SBF2: variants seen among roughly 807,000 people sequenced by gnomAD.
The protein encoded by SBF2 is myotubularin-related protein 13.
A neutral mutation model predicts 225.2 loss-of-function variants in SBF2; 112 were observed. The ratio of observed to expected loss-of-function variants is 0.50; its 90% CI spans 0.43 to 0.58. The LOEUF (loss-of-function observed/expected upper bound fraction) is 0.58, where lower values mean the gene tolerates loss of function less well. SBF2 is among the 20% of genes least tolerant of loss of function. The pLI is 0.00. For synonymous variants in SBF2, 763 were observed against 773.3 expected, an observed-to-expected ratio of 0.99 and a Z score of 0.22; for missense variants, 1,996 against 2,206.2, an observed-to-expected ratio of 0.90 and a Z score of 1.91.
intron 1 of SBF2, among the ~76,000 whole-genome samples, chr11:10,266,026 C>T (rs1448105957): frequency 6.6e-6 from 1 of 152,128 alleles, no homozygotes; most frequent in Non-Finnish European, 1.5e-5. Flanking sequence ...GGCAGCCCAA[C>T]CTGCCATTTT....
chr11:10,057,159 A>G (rs1950284729), intron 2 of SBF2, among the ~76,000 whole-genome samples: 2 of 152,164 alleles, frequency 1.3e-5, no homozygotes, highest in South Asian at 4.1e-4. Context: ...GCGGGCCCCA[A>G]GCATACTGTA....
chr11:9,880,799 G>A (rs1026314573), intron 17 of SBF2, among the ~76,000 whole-genome samples: 8 of 152,080 alleles, frequency 5.3e-5, no homozygotes, highest in Admixed American at 4.6e-4. Flanking sequence ...TATTTTCCTT[G>A]TCTAATGACT....
intron 27 of SBF2, 159 bp from the exon 28 acceptor site, chr11:9,829,655 G>A: frequency 1.5e-6 from 1 of 649,738 alleles, no homozygotes; most frequent in South Asian, 1.8e-5. Context: ...CACTTAAATT[G>A]CCAGTCTATT....
intron 1 of SBF2, among the ~76,000 whole-genome samples, chr11:10,276,031 G>A (rs1205171221): frequency 6.6e-6 from 1 of 151,974 alleles, no homozygotes; most frequent in Non-Finnish European, 1.5e-5. Flanking sequence ...AATGTTTTCT[G>A]AGAATGATCT....
intron 13 of SBF2, among the ~76,000 whole-genome samples, chr11:9,986,796 C>T (rs1947214372): frequency 6.6e-6 from 1 of 151,612 alleles, no homozygotes; most frequent in Non-Finnish European, 1.5e-5. Context: ...AAATTACCAA[C>T]AAAAAAAAGT....
chr11:10,244,476 G>A (rs1412972508), intron 1 of SBF2, among the ~76,000 whole-genome samples: 1 of 152,152 alleles, frequency 6.6e-6, no homozygotes, highest in African/African-American at 2.4e-5. Flanking sequence ...CAGTCTACAA[G>A]TCTGTTTGAT....
intron 17 of SBF2, among the ~76,000 whole-genome samples, chr11:9,882,555 TC>T (rs1859866584): frequency 6.6e-6 from 1 of 152,124 alleles, no homozygotes; most frequent in African/African-American, 2.4e-5. Context: ...ATGTCTGTAA[TC>T]CCAGCACTTT....
intron 6 of SBF2, 31 bp downstream of exon 6, chr11:10,028,421 G>C (rs1254405475): frequency 1.5e-6 from 2 of 1,305,898 alleles, no homozygotes; most frequent in Non-Finnish European, 2.2e-6. Context: ...GCTTCTACAA[G>C]ATGACATTGA....
At chr11:10,297,815 C>A (rs1337088894), upstream of SBF2, among the ~76,000 whole-genome samples, 1 of 152,240 alleles carries the variant, frequency 6.6e-6, no homozygotes, top group Non-Finnish European at 1.5e-5. Context: ...TTTGTATATA[C>A]ATGTGAACAT....
At chr11:9,966,695 A>C (rs1866936574) in intron 14 of SBF2, among the ~76,000 whole-genome samples, 1 of 152,244 alleles carries the variant, frequency 6.6e-6, no homozygotes, top group African/African-American at 2.4e-5. Flanking sequence ...GTATGCTTAC[A>C]ACTCAATAAT....
At chr11:10,105,946 G>C (rs1055796042) in intron 2 of SBF2, among the ~76,000 whole-genome samples, 2 of 152,338 alleles carry the variant, frequency 1.3e-5, no homozygotes, top group African/African-American at 4.8e-5. Flanking sequence ...TATTAGAGTT[G>C]ATGAATAATT....
chr11:10,180,876 GT>G (rs1956710979), intron 2 of SBF2, among the ~76,000 whole-genome samples: 1 of 151,954 alleles, frequency 6.6e-6, no homozygotes, highest in African/African-American at 2.4e-5. Context: ...CTTTCACTTG[GT>G]TTTGAATCCA....
chr11:9,871,713 G>T (rs1858769575), intron 17 of SBF2, among the ~76,000 whole-genome samples: 2 of 152,108 alleles, frequency 1.3e-5, no homozygotes, highest in African/African-American at 4.8e-5. Flanking sequence ...GGATTGTCTT[G>T]ATCTCCTGAC....
At chr11:9,984,573 A>C (rs1947110651) in intron 13 of SBF2, among the ~76,000 whole-genome samples, 1 of 152,222 alleles carries the variant, frequency 6.6e-6, no homozygotes. Context: ...TACAAGCAGC[A>C]CAAAGAACAC....
chr11:10,090,786 G>C (rs914484751), intron 2 of SBF2, among the ~76,000 whole-genome samples: 2 of 79,580 alleles, frequency 2.5e-5, no homozygotes, highest in Non-Finnish European at 6.0e-5. Context: ...AAAAAAAAAA[G>C]CTATTAGAAC....
At chr11:10,302,966 C>T (rs1964611773) in intron 1 of SBF2, 1 of 152,266 alleles carries the variant, frequency 6.6e-6, no homozygotes, top group Non-Finnish European at 1.5e-5. Flanking sequence ...AAAACCTGTC[C>T]TGGCGCGGAA....
At chr11:9,911,166 G>T (rs1161583564) in intron 16 of SBF2, among the ~76,000 whole-genome samples, 1 of 151,990 alleles carries the variant, frequency 6.6e-6, no homozygotes, top group African/African-American at 2.4e-5. Context: ...AGGAGTTCAA[G>T]ACCAGCCTGG....
intron 28 of SBF2, among the ~76,000 whole-genome samples, chr11:9,818,989 T>A (rs1298747022): frequency 1.3e-5 from 2 of 152,226 alleles, no homozygotes; most frequent in African/African-American, 2.4e-5. Flanking sequence ...CCCAAAGTGC[T>A]GGGATTACAG....
intron 2 of SBF2, among the ~76,000 whole-genome samples, chr11:10,097,812 C>T (rs1755849111): frequency 6.6e-6 from 1 of 152,136 alleles, no homozygotes; most frequent in Non-Finnish European, 1.5e-5. Context: ...ATCCAATCAG[C>T]CTTGGATCTG....
Sources: gnomAD v4.1 joint callset for allele counts (sites outside exome capture counted in the v4.1 genomes callset) on GRCh38, gnomAD v4.1.1 for gene constraint, MANE v1.5 for transcripts, NCBI Gene and HGNC (gene_info 2026-07-23, HGNC 2026-07-21) for gene names.